The following ZNF804B variants were observed in gnomAD, a reference collection of about 807,000 sequenced individuals.
ZNF804B encodes the protein zinc finger 804B.
In ZNF804B, 80 loss-of-function variants were observed where a neutral mutation model predicts 101.4. The observed-to-expected ratio is 0.79, with a 90% CI of 0.66 to 0.95. The LOEUF (loss-of-function observed/expected upper bound fraction) is 0.95. Among genes scored for constraint, ZNF804B ranks in the 40% least tolerant of loss-of-function variants. The pLI is 0.00. For synonymous variants in ZNF804B, 622 were observed against 558.8 expected, an observed-to-expected ratio of 1.11 and a Z score of -1.59; for missense variants, 1,673 against 1,561.9, an observed-to-expected ratio of 1.07 and a Z score of -1.20.
chr7:89,306,090 A>G (rs1790558184), intron 2 of ZNF804B, among the ~76,000 whole-genome samples: 1 of 152,032 alleles, frequency 6.6e-6, no homozygotes, highest in African/African-American at 2.4e-5. Context: ...ACCATTAAGT[A>G]TCACCAAACA....
At chr7:88,806,142 C>G (rs1790681631) in intron 1 of ZNF804B, among the ~76,000 whole-genome samples, 1 of 151,888 alleles carries the variant, frequency 6.6e-6, no homozygotes, top group South Asian at 2.1e-4. Flanking sequence ...TCCCACTGTT[C>G]AGTTGTGGTA....
At chr7:89,126,397 A>G (rs1790474588) in intron 1 of ZNF804B, among the ~76,000 whole-genome samples, 1 of 151,998 alleles carries the variant, frequency 6.6e-6, no homozygotes, top group Non-Finnish European at 1.5e-5. Context: ...AAGTGAAGCT[A>G]ACAATATTTT....
intron 2 of ZNF804B, among the ~76,000 whole-genome samples, chr7:89,266,611 A>G (rs1373506576): frequency 1.3e-5 from 2 of 152,166 alleles, no homozygotes; most frequent in South Asian, 2.1e-4. Context: ...GCCTTCTCAC[A>G]TATGTTATCC....
intron 1 of ZNF804B, among the ~76,000 whole-genome samples, chr7:88,869,520 T>C (rs932246463): frequency 5.9e-5 from 9 of 152,174 alleles, no homozygotes; most frequent in Non-Finnish European, 1.2e-4. Context: ...CCCCTCTCAC[T>C]CCATCAGATA....
At chr7:88,905,332 C>T (rs1027773141) in intron 1 of ZNF804B, among the ~76,000 whole-genome samples, 10 of 151,854 alleles carry the variant, frequency 6.6e-5, no homozygotes, top group African/African-American at 2.4e-4. Context: ...TTTTGATGTG[C>T]TGTTGAATAC....
At chr7:89,153,460 A>ATAATAATAATAG (rs1205435677) in intron 1 of ZNF804B, among the ~76,000 whole-genome samples, 8 of 141,324 alleles carry the variant, frequency 5.7e-5, no homozygotes, top group Admixed American at 5.0e-4. Context: ...AATAATAATA[A>ATAATAATAATAG]TAATTTTTGC....
At chr7:89,210,885 G>A (rs1788792364) in intron 1 of ZNF804B, among the ~76,000 whole-genome samples, 1 of 152,190 alleles carries the variant, frequency 6.6e-6, no homozygotes, top group Admixed American at 6.5e-5. Flanking sequence ...GGATCAAATG[G>A]TATTTCTAGT....
intron 1 of ZNF804B, among the ~76,000 whole-genome samples, chr7:88,834,322 G>A (rs1035432339): frequency 2.0e-5 from 3 of 151,794 alleles, no homozygotes; most frequent in African/African-American, 7.2e-5. Context: ...ATAACCAGGA[G>A]TGTAGCTAAA....
At chr7:89,261,381 A>T (rs1458537290) in intron 2 of ZNF804B, among the ~76,000 whole-genome samples, 1 of 151,966 alleles carries the variant, frequency 6.6e-6, no homozygotes, top group African/African-American at 2.4e-5. Flanking sequence ...TTTGACCTAT[A>T]TTTTATATAT....
intron 1 of ZNF804B, among the ~76,000 whole-genome samples, chr7:89,034,246 A>G (rs929676295): frequency 3.9e-5 from 6 of 152,036 alleles, no homozygotes; most frequent in African/African-American, 1.4e-4. Flanking sequence ...ACTTTTTTTG[A>G]AGTTTTACAT....
intron 1 of ZNF804B, among the ~76,000 whole-genome samples, chr7:89,003,254 A>G (rs1450320419): frequency 1.3e-5 from 2 of 151,956 alleles, no homozygotes; most frequent in African/African-American, 2.4e-5. Context: ...TCCAGAGGAG[A>G]CAGTGCCATA....
chr7:89,237,636 T>C (rs1370798101), intron 2 of ZNF804B, among the ~76,000 whole-genome samples: 2 of 152,204 alleles, frequency 1.3e-5, no homozygotes, highest in African/African-American at 4.8e-5. Context: ...AGTGGGGTAG[T>C]CAATGGCTTC....
rs911812185 is a variant in ZNF804B at position 88,843,321 on chromosome 7, A to G, written c.108+83237A>G. On this transcript the variant is annotated intron_variant, in intron 1 of 3. Transcript: ENST00000333190. ...TATACATGAAGAAATTGAAACTCAA[A>G]TGATTGTGGTAACTTAAGTAAGTAG... 5.9e-5 allele frequency among the ~76,000 whole-genome samples: 9 copies of G among 152,156 alleles called. No individual in the cohort carries two copies. The East Asian group carries it at 1.5e-3, about 26-fold the overall frequency.
At chr7:89,018,307 A>G (rs1788603388) in intron 1 of ZNF804B, among the ~76,000 whole-genome samples, 1 of 152,080 alleles carries the variant, frequency 6.6e-6, no homozygotes, top group Non-Finnish European at 1.5e-5. Flanking sequence ...GATGTGATGT[A>G]TCATATTTAT....
chr7:88,967,422 G>A (rs1041416379), intron 1 of ZNF804B, among the ~76,000 whole-genome samples: 1 of 151,508 alleles, frequency 6.6e-6, no homozygotes, highest in African/African-American at 2.4e-5. Context: ...TGTCCTACCA[G>A]GTCCTTCCCC....
At chr7:89,246,326 C>T (rs1219808635) in intron 2 of ZNF804B, among the ~76,000 whole-genome samples, 1 of 152,170 alleles carries the variant, frequency 6.6e-6, no homozygotes, top group African/African-American at 2.4e-5. Context: ...GCCCCAGCTG[C>T]TACCCTGAGA....
At chr7:89,330,485 A>T (rs1016374719) in intron 3 of ZNF804B, among the ~76,000 whole-genome samples, 1 of 151,616 alleles carries the variant, frequency 6.6e-6, no homozygotes, top group Non-Finnish European at 1.5e-5. Context: ...ATTTTTTTCC[A>T]GTTATATCTC....
intron 1 of ZNF804B, among the ~76,000 whole-genome samples, chr7:89,153,317 C>T (rs1173754023): frequency 1.3e-5 from 2 of 151,678 alleles, no homozygotes; most frequent in Non-Finnish European, 2.9e-5. Context: ...TCTGAGTTGG[C>T]TCTCAGATCT....
At chr7:89,248,469 AAAAAAAG>A (rs991164028) in intron 2 of ZNF804B, among the ~76,000 whole-genome samples, 7 of 151,880 alleles carry the variant, frequency 4.6e-5, no homozygotes, top group African/African-American at 1.7e-4. Context: ...ATTCTTTGAA[AAAAAAAG>A]AAAAAAGAAA....
Sources: gnomAD v4.1 joint callset for allele counts (sites outside exome capture counted in the v4.1 genomes callset) on GRCh38, gnomAD v4.1.1 for gene constraint, MANE v1.5 for transcripts, NCBI Gene and HGNC (gene_info 2026-07-23, HGNC 2026-07-21) for gene names.